The following ACYP2 variants were observed in gnomAD, a reference collection of about 807,000 sequenced individuals.
The protein encoded by ACYP2 is acylphosphatase-2.
A neutral mutation model predicts 11.2 loss-of-function variants in ACYP2; 12 were observed. The ratio of observed to expected loss-of-function variants is 1.08; its 90% CI spans 0.69 to 1.74. The LOEUF is 1.74. Ranked by LOEUF, ACYP2 falls within the 40% of genes most tolerant of loss-of-function variation. The pLI, the probability that ACYP2 is intolerant of heterozygous loss-of-function variation, is 0.00. For missense variants in ACYP2, 134 were observed against 101.9 expected (o/e 1.31, Z -1.35); for synonymous variants, 43 against 32.2 (o/e 1.33, Z -1.13).
chr2:54,246,726 T>G (rs79341371), intron 6 of ACYP2, among the ~76,000 whole-genome samples: 3,383 of 152,284 alleles, frequency 0.022, 114 homozygotes, highest in African/African-American at 0.076. Flanking sequence ...ATATCTAATA[T>G]CTAGGATGTT....
chr2:54,139,433 T>C (rs1681471154), intron 6 of ACYP2, among the ~76,000 whole-genome samples: 1 of 152,236 alleles, frequency 6.6e-6, no homozygotes, highest in Non-Finnish European at 1.5e-5. Context: ...CCAGATTCAG[T>C]AATATGGGGA....
intron 3 of ACYP2, chr2:54,051,898 T>C: frequency 3.7e-6 from 1 of 268,352 alleles, no homozygotes; most frequent in Non-Finnish European, 7.2e-6. Context: ...AATACAAAAA[T>C]TAGCTGGGCG....
chr2:54,031,058 CAG>C lies in ACYP2; in HGVS notation c.63-19897_63-19896del, dbSNP rs1396338019. Among the ~76,000 whole-genome samples, 4 of 152,174 alleles carry C rather than the reference CAG, an allele frequency of 2.6e-5. No individual in the cohort carries two copies. In the East Asian group the frequency reaches 7.7e-4, roughly 29 times the overall value. On this transcript the variant is annotated intron_variant, in intron 2 of 6. Transcript: ENST00000607452. ...AGACACAATGTGACATGTGCTATAA[CAG>C]AGGAAGTTCAGCAGGTTATGTCTCA...
intron 6 of ACYP2, among the ~76,000 whole-genome samples, chr2:54,162,663 AAAAAAATTTCCTCCTGTACAG>A (rs1682771026): frequency 6.6e-6 from 1 of 152,056 alleles, no homozygotes; most frequent in Admixed American, 6.6e-5. Flanking sequence ...GAACCTACAT[AAAAAAATTTCCTCCTGTACAG>A]GCCAGGCATG....
At chr2:54,032,760 A>C (rs1017055681) in intron 2 of ACYP2, among the ~76,000 whole-genome samples, 2 of 152,184 alleles carry the variant, frequency 1.3e-5, no homozygotes, top group Non-Finnish European at 2.9e-5. Context: ...AATCCAACTT[A>C]TGAGGGATGT....
intron 2 of ACYP2, among the ~76,000 whole-genome samples, chr2:53,990,963 A>T (rs1440372483): frequency 1.3e-5 from 2 of 151,960 alleles, no homozygotes; most frequent in East Asian, 3.9e-4. Context: ...CGCCCGGCTA[A>T]TTTTTTATAT....
chr2:54,225,790 T>C (rs758169448), intron 6 of ACYP2, among the ~76,000 whole-genome samples: 19 of 150,736 alleles, frequency 1.3e-4, no homozygotes, highest in Non-Finnish European at 2.8e-4. Flanking sequence ...CCTTAAGTAT[T>C]TTTTTTTTAC....
At chr2:53,999,374 C>T (rs1192403636) in intron 2 of ACYP2, among the ~76,000 whole-genome samples, 3 of 152,196 alleles carry the variant, frequency 2.0e-5, no homozygotes, top group Admixed American at 1.3e-4. Flanking sequence ...GTTACCAAAA[C>T]ATGCCCAGGA....
intron 4 of ACYP2, among the ~76,000 whole-genome samples, chr2:54,086,308 C>A (rs1163035212): frequency 2.6e-5 from 4 of 152,096 alleles, no homozygotes; most frequent in Admixed American, 2.6e-4. Flanking sequence ...CTGCACTAGA[C>A]ATGTGGTGGT....
chr2:54,117,916 C>T lies in ACYP2; in HGVS notation c.278-17537C>T, dbSNP rs1679906883. 2.0e-5 allele frequency among the ~76,000 whole-genome samples: 3 copies of T among 152,106 alleles called. No homozygotes were observed. The South Asian group carries it at 6.2e-4, about 32-fold the overall frequency. ...CAATGTGTAGCCTTTTGTCCCTCAC[C>T]CCGTCCTACCCTTTCCCCCCTGACT... On this transcript the variant is annotated intron_variant, in intron 4 of 6. Transcript: ENST00000607452.
At chr2:54,028,275 C>G (rs1038321479) in intron 2 of ACYP2, among the ~76,000 whole-genome samples, 1 of 152,062 alleles carries the variant, frequency 6.6e-6, no homozygotes, top group South Asian at 2.1e-4. Context: ...TGGAATTTGT[C>G]TAATGTTTTT....
At chr2:54,124,403 T>A (rs898483305) in intron 4 of ACYP2, among the ~76,000 whole-genome samples, 8 of 151,934 alleles carry the variant, frequency 5.3e-5, no homozygotes, top group Non-Finnish European at 1.0e-4. Flanking sequence ...TCCATGTTGG[T>A]CAGGCTGGTC....
rs550238467 is a variant in ACYP2 at position 54,294,763 on chromosome 2, A to T, written c.405-9925A>T. Reference sequence around the variant, plus strand: ...CCATCTCTACAAAAAATTAAAAAAAAAAATTAGCCAGGTGTGGTGGCACAC... The same window carrying T: ...CCATCTCTACAAAAAATTAAAAAAATAAATTAGCCAGGTGTGGTGGCACAC... On this transcript the variant is annotated intron_variant, in intron 6 of 6. Transcript: ENST00000607452. 2.5e-4 allele frequency among the ~76,000 whole-genome samples: 38 copies of T among 151,980 alleles called. No homozygotes were observed. The South Asian group carries it at 7.9e-3, about 32-fold the overall frequency.
At chr2:53,991,490 C>G (rs909599301) in intron 2 of ACYP2, among the ~76,000 whole-genome samples, 1 of 151,700 alleles carries the variant, frequency 6.6e-6, no homozygotes, top group African/African-American at 2.4e-5. Flanking sequence ...ACTGCAACCT[C>G]TGCCTCCTAG....
chr2:54,207,896 C>T (rs1685148488), intron 6 of ACYP2, among the ~76,000 whole-genome samples: 2 of 152,082 alleles, frequency 1.3e-5, no homozygotes, highest in Admixed American at 6.6e-5. Context: ...CAATTTTGAA[C>T]GCATACTTAG....
chr2:54,153,852 G>T (rs764988419), intron 6 of ACYP2, among the ~76,000 whole-genome samples: 1 of 151,926 alleles, frequency 6.6e-6, no homozygotes, highest in Admixed American at 6.6e-5. Flanking sequence ...TGCCTGCCTC[G>T]GCCTCCCAAA....
At chr2:54,048,884 G>A (rs1031091325) in intron 2 of ACYP2, among the ~76,000 whole-genome samples, 3 of 152,174 alleles carry the variant, frequency 2.0e-5, no homozygotes, top group South Asian at 4.1e-4. Context: ...AAGGGTAGGT[G>A]CACCTCAGGG....
intron 2 of ACYP2, among the ~76,000 whole-genome samples, chr2:54,020,069 T>G (rs553862085): frequency 6.6e-6 from 1 of 152,030 alleles, no homozygotes; most frequent in South Asian, 2.1e-4. Flanking sequence ...CCTGAGTAGC[T>G]AGGATTATAG....
intron 2 of ACYP2, among the ~76,000 whole-genome samples, chr2:54,033,065 G>T (rs965004569): frequency 4.6e-5 from 7 of 152,138 alleles, no homozygotes; most frequent in African/African-American, 1.7e-4. Context: ...AAAGCCCAAG[G>T]CAAACTAATC....
Sources: allele counts gnomAD v4.1 joint callset (sites outside exome capture counted in the v4.1 genomes callset), GRCh38; gene constraint gnomAD v4.1.1; transcripts MANE v1.5; gene names NCBI Gene and HGNC (gene_info 2026-07-23, HGNC 2026-07-21).